The following CSMD1 variants were observed in gnomAD, a reference collection of about 807,000 sequenced individuals.
CSMD1 encodes the protein CUB and Sushi multiple domains 1, also known as CUB and sushi domain-containing protein 1.
Under a neutral mutation model 417.5 loss-of-function variants are expected in CSMD1, and 213 were observed. The observed-to-expected ratio is 0.51, with a 90% confidence interval of 0.46 to 0.57. CSMD1 has a LOEUF of 0.57. CSMD1 is among the 20% of genes least tolerant of loss of function. The pLI, the probability that CSMD1 is intolerant of heterozygous loss-of-function variation, is 0.00. For synonymous variants in CSMD1, 2,862 were observed against 1,736.8 expected, an observed-to-expected ratio of 1.65 and a Z score of -16.11; for missense variants, 6,923 against 4,529.7, an observed-to-expected ratio of 1.53 and a Z score of -15.17.
intron 5 of CSMD1, among the ~76,000 whole-genome samples, chr8:3,829,478 T>A (rs1034713977): frequency 6.6e-6 from 1 of 152,154 alleles, no homozygotes; most frequent in Non-Finnish European, 1.5e-5. Context: ...GCCGCCACCC[T>A]GCTGTTCTTG....
chr8:4,015,171 C>A (rs533530985), intron 4 of CSMD1, among the ~76,000 whole-genome samples: 37 of 152,260 alleles, frequency 2.4e-4, no homozygotes, highest in African/African-American at 8.4e-4. Flanking sequence ...TAAAAACTGT[C>A]CCATTCAGTC....
chr8:3,103,836 C>G (rs1419295490), intron 46 of CSMD1, among the ~76,000 whole-genome samples: 4 of 152,092 alleles, frequency 2.6e-5, no homozygotes, highest in South Asian at 2.1e-4. Context: ...CTCTGCCTCC[C>G]AGGTTCCAGT....
rs182535079 is a variant in CSMD1, at chr8:4,183,500, T to G, written c.416-151401A>C. On this transcript the variant is annotated intron_variant, in intron 3 of 69. Transcript: ENST00000635120. ...GGAGGTGAAAACACTTTGCTTTTTC[T>G]CTTCTATCATGCACAGACATTACTG... is the stretch of plus-strand genomic sequence containing the variant. Among the ~76,000 whole-genome samples, 24 of 152,260 alleles carry G rather than the reference T, an allele frequency of 1.6e-4. 1 individual carries two copies. The highest frequency in any genetic ancestry group is 7.2e-4 in the Admixed American group (11 of 15,278).
At chr8:3,041,827 C>A (rs1260451609) in intron 50 of CSMD1, among the ~76,000 whole-genome samples, 2 of 152,206 alleles carry the variant, frequency 1.3e-5, no homozygotes, top group African/African-American at 4.8e-5. Context: ...TGGCGGTAAA[C>A]CCCATGTAGC....
At chr8:4,741,212 C>T (rs1212842532) in intron 1 of CSMD1, among the ~76,000 whole-genome samples, 1 of 152,098 alleles carries the variant, frequency 6.6e-6, no homozygotes, top group South Asian at 2.1e-4. Flanking sequence ...GACCCTAGTG[C>T]CACACGTGCA....
chr8:4,761,124 AAG>A (rs1355152774), intron 1 of CSMD1, among the ~76,000 whole-genome samples: 16 of 152,106 alleles, frequency 1.1e-4, no homozygotes, highest in Non-Finnish European at 1.9e-4. Context: ...GAATATGCAA[AAG>A]AGTCTTCTAC....
At chr8:2,987,582 A>G (rs888596484) in intron 54 of CSMD1, among the ~76,000 whole-genome samples, 4 of 152,184 alleles carry the variant, frequency 2.6e-5, no homozygotes, top group African/African-American at 9.6e-5. Flanking sequence ...GATATAACTC[A>G]CAATTTTTGC....
intron 3 of CSMD1, among the ~76,000 whole-genome samples, chr8:4,301,870 C>A (rs556654835): frequency 7.6e-4 from 61 of 80,618 alleles, no homozygotes; most frequent in Non-Finnish European, 1.3e-3. Flanking sequence ...GCCCAAGCTT[C>A]ACCATAAATT....
intron 11 of CSMD1, among the ~76,000 whole-genome samples, chr8:3,473,155 G>A (rs1031649867): frequency 2.6e-5 from 4 of 152,108 alleles, no homozygotes; most frequent in African/African-American, 7.2e-5. Flanking sequence ...CCTCTCAGTC[G>A]ATATATTTAA....
intron 1 of CSMD1, among the ~76,000 whole-genome samples, chr8:4,751,860 G>C (rs1811348767): frequency 6.6e-6 from 1 of 152,144 alleles, no homozygotes; most frequent in African/African-American, 2.4e-5. Flanking sequence ...TAGTGCATTG[G>C]TGTGCAGTTT....
At chr8:3,313,724 G>T (rs892910902) in intron 23 of CSMD1, among the ~76,000 whole-genome samples, 1 of 152,120 alleles carries the variant, frequency 6.6e-6, no homozygotes, top group Non-Finnish European at 1.5e-5. Flanking sequence ...ATTCCTCAGG[G>T]ATCTAGAACT....
At chr8:4,920,399 T>A (rs1355743955) in intron 1 of CSMD1, among the ~76,000 whole-genome samples, 3 of 152,226 alleles carry the variant, frequency 2.0e-5, no homozygotes, top group South Asian at 2.1e-4. Flanking sequence ...AGTATAAATC[T>A]AGGGAATTCA....
chr8:4,643,017 G>A (rs1355987540), intron 1 of CSMD1, among the ~76,000 whole-genome samples: 1 of 152,116 alleles, frequency 6.6e-6, no homozygotes, highest in African/African-American at 2.4e-5. Context: ...AAAAGACTTG[G>A]GAATGTATAA....
At chr8:3,507,780 T>A (rs181452355) in intron 10 of CSMD1, among the ~76,000 whole-genome samples, 6 of 150,396 alleles carry the variant, frequency 4.0e-5, no homozygotes, top group East Asian at 1.9e-4. Context: ...TTTTCATGTG[T>A]TTTTTTGGCT....
At chr8:4,573,574 G>A (rs1313365164) in intron 2 of CSMD1, among the ~76,000 whole-genome samples, 2 of 152,126 alleles carry the variant, frequency 1.3e-5, no homozygotes, top group Admixed American at 6.5e-5. Context: ...GCTGGGAGGT[G>A]TCTCCCAGTC....
intron 52 of CSMD1, among the ~76,000 whole-genome samples, chr8:3,012,972 C>T (rs1218183631): frequency 6.6e-6 from 1 of 152,072 alleles, no homozygotes; most frequent in Non-Finnish European, 1.5e-5. Context: ...AGGGGAGTTC[C>T]CCTGCACACG....
At position 3,188,216 on chromosome 8, in the gene CSMD1, G is replaced by GTCTATCTATCTA. The variant is rs71199541; in HGVS notation, c.5524-263_5524-252dup. Reference sequence around the variant, plus strand: ...CCTTAATCATGAAAATCATCTACATGTCTATCTATCTATATATACATGGCA... The same window carrying GTCTATCTATCTA: ...CCTTAATCATGAAAATCATCTACATGTCTATCTATCTATCTATCTATCTATATATACATGGCA... On this transcript the variant is annotated intron_variant, in intron 35 of 69. Coordinates refer to ENST00000635120, the MANE Select transcript of CSMD1 (RefSeq NM_033225.6). Among the ~76,000 whole-genome samples the GTCTATCTATCTA allele has an allele frequency of 2.0e-4, 29 of 142,696 alleles. No homozygotes were observed. The Middle Eastern group carries it at 0.012, about 57-fold the overall frequency. 93.6% of individuals were successfully genotyped at this position (142,696 alleles called of 152,430 possible). A position where few individuals can be genotyped will look rare whatever the true frequency, so the allele number is the denominator to read the frequency against.
intron 5 of CSMD1, among the ~76,000 whole-genome samples, chr8:3,828,471 C>G (rs1268973350): frequency 6.6e-6 from 1 of 152,148 alleles, no homozygotes; most frequent in Non-Finnish European, 1.5e-5. Context: ...CATGTGAATA[C>G]AGAAAATCAC....
chr8:4,891,546 C>T (rs1804123131), intron 1 of CSMD1, among the ~76,000 whole-genome samples: 1 of 152,010 alleles, frequency 6.6e-6, no homozygotes, highest in Non-Finnish European at 1.5e-5. Flanking sequence ...AGGGAGTTTG[C>T]CTTGAAATTC....
Sources: allele counts gnomAD v4.1 joint callset (sites outside exome capture counted in the v4.1 genomes callset), GRCh38; gene constraint gnomAD v4.1.1; transcripts MANE v1.5; gene names NCBI Gene and HGNC (gene_info 2026-07-23, HGNC 2026-07-21).